The following MTR variants were observed in gnomAD, a reference collection of about 807,000 sequenced individuals.
The protein encoded by MTR is 5-methyltetrahydrofolate-homocysteine methyltransferase, also known as methionine synthase.
MTR carries 84 observed loss-of-function variants against 154.8 expected under a neutral mutation model. The ratio of observed to expected loss-of-function variants is 0.54; its 90% CI spans 0.45 to 0.65. The LOEUF is 0.65. Ranked by LOEUF, MTR falls within the 30% of genes least tolerant of loss-of-function variation. The probability of loss-of-function intolerance (pLI) is 0.00; values close to 1 mark genes in which losing one functional copy is unlikely to be tolerated. For synonymous variants in MTR, 554 were observed against 553.9 expected (o/e 1.00, Z 0.00); for missense variants, 1,275 against 1,570.2 (o/e 0.81, Z 3.18).
intron 22 of MTR, among the ~76,000 whole-genome samples, chr1:236,870,223 C>G (rs762120074): frequency 1.4e-4 from 21 of 152,192 alleles, no homozygotes; most frequent in Admixed American, 3.3e-4. Context: ...ATTTCCCCAG[C>G]AAGACGACTT....
At chr1:236,868,062 CA>C (rs560004681) in intron 22 of MTR, among the ~76,000 whole-genome samples, 156 of 152,266 alleles carry the variant, frequency 1.0e-3, no homozygotes, top group Non-Finnish European at 1.9e-3. Context: ...AAAACGCTAT[CA>C]AACAGCATCA....
chr1:236,805,756 C>T (rs1184120363), intron 2 of MTR, among the ~76,000 whole-genome samples: 1 of 152,098 alleles, frequency 6.6e-6, no homozygotes, highest in African/African-American at 2.4e-5. Flanking sequence ...CCTTGGCTTC[C>T]CAAAGTGCTA....
intron 18 of MTR, among the ~76,000 whole-genome samples, chr1:236,858,817 A>G (rs1370133789): frequency 9.2e-5 from 14 of 152,324 alleles, no homozygotes; most frequent in Admixed American, 9.2e-4. Context: ...GGAGAAAACA[A>G]TAAAGTAATG....
At position 236,891,266 on chromosome 1, in the gene MTR, C is replaced by T. The variant is rs560615373; in HGVS notation, c.3141C>T (p.Tyr1047=). ...GTATCCAAGACGACATTCACCTGTA[C>T]GCAGAGGCTGCTGTGCCCCAGGCTG... The part of the protein sequence containing the change: ...AQSIQDDIHL[Y]AEAAVPQAAE... The change falls in exon 29 of 33, where the codon TAC becomes TAT. Residue 1047 remains tyrosine, a synonymous_variant. Coordinates refer to ENST00000366577, the MANE Select transcript of MTR (RefSeq NM_000254.3). 5.7e-4 allele frequency: 919 copies of T among 1,614,118 alleles called. 9 individuals carry two copies. In the South Asian group the frequency reaches 8.5e-3, roughly 15 times the overall value.
chr1:236,820,532 C>T, intron 8 of MTR: 1 of 778,594 alleles, frequency 1.3e-6, no homozygotes, highest in Non-Finnish European at 2.2e-6. Context: ...CTGTTCTTAC[C>T]TGGGCTGTTA....
intron 13 of MTR, among the ~76,000 whole-genome samples, chr1:236,833,643 A>C (rs1195156737): frequency 6.6e-6 from 1 of 152,208 alleles, no homozygotes; most frequent in East Asian, 1.9e-4. Context: ...ATTAGAGTCT[A>C]GCTCTTATGA....
At chr1:236,864,560 CCTAGAA>C (rs1475107784) in intron 22 of MTR, among the ~76,000 whole-genome samples, 1 of 152,100 alleles carries the variant, frequency 6.6e-6, no homozygotes, top group African/African-American at 2.4e-5. Context: ...CTCTCCTAGT[CCTAGAA>C]ACGAGGAATA....
intron 1 of MTR, among the ~76,000 whole-genome samples, chr1:236,799,841 C>T (rs914909042): frequency 2.0e-5 from 3 of 150,264 alleles, no homozygotes; most frequent in Non-Finnish European, 4.4e-5. Context: ...TTAAGAAGTT[C>T]CTTTTCATTC....
chr1:236,897,587 A>G lies in MTR; in HGVS notation c.3741A>G (p.Ile1247Met). The G allele has an allele frequency of 6.2e-7, 1 of 1,613,748 alleles. No individual in the cohort carries two copies. Among genetic ancestry groups the G allele is most frequent in the African/African-American group, 1.3e-5 (1 of 74,900 alleles). The change falls in exon 33 of 33, where the codon ATA becomes ATG. Residue 1247 changes from isoleucine (I) to methionine (M), a missense_variant. Coordinates refer to ENST00000366577, the MANE Select transcript of MTR (RefSeq NM_000254.3). ...AGGATTATGCATTGAGGAAGAACAT[A>G]TCTGTGGCTGAGGTTGAGAAATGGC... ...QVEDYALRKN[I>M]SVAEVEKWLG...
chr1:236,861,327 AT>A (rs774871781), intron 20 of MTR, 50 bp downstream of exon 20: 89 of 1,612,468 alleles, frequency 5.5e-5, no homozygotes, highest in Non-Finnish European at 4.9e-5. Context: ...TTTCTTTGTC[AT>A]TTAATAAATG....
At chr1:236,872,348 C>T (rs1665181330) in intron 22 of MTR, among the ~76,000 whole-genome samples, 1 of 152,082 alleles carries the variant, frequency 6.6e-6, no homozygotes, top group South Asian at 2.1e-4. Context: ...CAGTCTTGCC[C>T]TCTTGCCCTC....
Position 236,818,739 on chromosome 1 carries a change from A to G in MTR, c.764+2196A>G, listed in dbSNP as rs1215150204. Among the ~76,000 whole-genome samples, 3 of 152,248 alleles carry G rather than the reference A, an allele frequency of 2.0e-5. No homozygotes were observed. In the South Asian group the frequency reaches 6.2e-4, roughly 31 times the overall value. On this transcript the variant is annotated intron_variant, in intron 8 of 32. Coordinates refer to ENST00000366577, the MANE Select transcript of MTR (RefSeq NM_000254.3). ...TACTGACTTGTGATTATCACGAACT[A>G]TAGAACAGTGGGATAGAGCCTTTAT... is the stretch of plus-strand genomic sequence containing the variant.
intron 32 of MTR, 23 bp from the exon 33 acceptor site, chr1:236,897,535 A>G: frequency 6.2e-7 from 1 of 1,606,620 alleles, no homozygotes; most frequent in Non-Finnish European, 8.5e-7. Context: ...TTGGTTTAAT[A>G]AAATGCTTCT....
At chr1:236,810,435 G>A in intron 4 of MTR, 68 bp from the exon 5 acceptor site, 3 of 1,238,772 alleles carry the variant, frequency 2.4e-6, no homozygotes, top group Middle Eastern at 1.9e-4. Flanking sequence ...AATCTTATTG[G>A]CTATTCATTC....
In MTR at chr1:236,899,816, T is replaced by A. The variant is rs1464364868; in HGVS notation, c.*2172T>A. The A allele has an allele frequency of 6.6e-6, 1 of 152,340 alleles. No homozygotes were observed. Among genetic ancestry groups the A allele is most frequent in the Non-Finnish European group, 1.5e-5 (1 of 68,144 alleles). The allele number at this position is 152,340 out of a possible 1,614,324, so 9.4% of individuals were successfully genotyped here. ...ATAGTGAAGACTACACAAGAGGAAA[T>A]AGGGCTTTTAAATAAATAGATGTTC... On this transcript the variant is annotated 3_prime_UTR_variant, in exon 33 of 33. Transcript: ENST00000366577.
chr1:236,861,079 TTTTC>T (rs763461107), intron 19 of MTR, 42 bp from the exon 20 acceptor site: 90 of 1,496,876 alleles, frequency 6.0e-5, no homozygotes, highest in Admixed American at 3.5e-4. Flanking sequence ...GTGATTTTTT[TTTTC>T]TTTCTTTCTT....
intron 27 of MTR, among the ~76,000 whole-genome samples, chr1:236,888,499 A>G (rs1471099751): frequency 6.6e-6 from 1 of 152,250 alleles, no homozygotes; most frequent in Non-Finnish European, 1.5e-5. Context: ...GACATAACCT[A>G]CCATCTGATT....
At chr1:236,796,420 T>C (rs1356200022) in intron 1 of MTR, among the ~76,000 whole-genome samples, 1 of 152,224 alleles carries the variant, frequency 6.6e-6, no homozygotes, top group African/African-American at 2.4e-5. Context: ...TCTAAGGTCA[T>C]GCCTGATTAT....
rs187923096 is a variant in MTR, at chr1:236,888,822, G to C, written c.2852-359G>C. ...GTAGCTTACTCTCCATGTCTTTCTG[G>C]ACATGTTCTTCATGTTCTTTCATGT... On this transcript the variant is annotated intron_variant, in intron 27 of 32. Coordinates refer to ENST00000366577, the MANE Select transcript of MTR (RefSeq NM_000254.3). Among the ~76,000 whole-genome samples the C allele has an allele frequency of 2.0e-5, 3 of 152,256 alleles. No homozygotes were observed. In the East Asian group the frequency reaches 5.8e-4, roughly 29 times the overall value.
Sources: allele counts gnomAD v4.1 joint callset (sites outside exome capture counted in the v4.1 genomes callset), GRCh38; gene constraint gnomAD v4.1.1; transcripts MANE v1.5; gene names NCBI Gene and HGNC (gene_info 2026-07-23, HGNC 2026-07-21).